Variants in DLGAP4 observed in about 807,000 individuals in gnomAD.
DLGAP4 encodes DLG associated protein 4.
In DLGAP4, 18 loss-of-function variants were observed where a neutral mutation model predicts 86.9. That is an observed-to-expected ratio of 0.21 (90% CI 0.14 to 0.31). The LOEUF (loss-of-function observed/expected upper bound fraction) is 0.31, where lower values mean the gene tolerates loss of function less well. DLGAP4 is among the 10% of genes least tolerant of loss of function. The probability of loss-of-function intolerance (pLI) is 1.00; values close to 1 mark genes in which losing one functional copy is unlikely to be tolerated. For missense variants in DLGAP4, 1,085 were observed against 1,362.6 expected, an observed-to-expected ratio of 0.80 and a Z score of 3.21; for synonymous variants, 548 against 574.3, an observed-to-expected ratio of 0.95 and a Z score of 0.65.
Position 36,436,459 on chromosome 20 carries a change from GGAGCCACGCCCCCTTT to G in DLGAP4, c.1241+121_1241+136del, listed in dbSNP as rs1388917401. On this transcript the variant is annotated intron_variant, in intron 4 of 12. Transcript: ENST00000339266. ...CATTAAAATAAGCCCCGCCTGCGTG[GGAGCCACGCCCCCTTT>G]GAGCCACGCCCACTCATGAGTCCTG... The G allele has an allele frequency of 1.8e-5, 25 of 1,420,582 alleles. No homozygotes were observed. The East Asian group carries it at 2.0e-4, about 12-fold the overall frequency. 88.0% of individuals were successfully genotyped at this position (1,420,582 alleles called of 1,614,324 possible).
rs962136409 is a variant in DLGAP4 at position 36,479,870 on chromosome 20, A to G, written c.1649-16835A>G. Among the ~76,000 whole-genome samples, 31 of 152,134 alleles carry G rather than the reference A, an allele frequency of 2.0e-4. 1 individual carries two copies. The highest frequency in any genetic ancestry group is 7.5e-4 in the African/African-American group (31 of 41,438). On this transcript the variant is annotated intron_variant, in intron 7 of 12. Transcript: ENST00000339266. ...GGATGAGACCCCTCATTTCTGCCCC[A>G]GGCCAGAAATCCTCAGCTTCTGGCA...
intron 1 of DLGAP4, among the ~76,000 whole-genome samples, chr20:36,351,930 G>A (rs1255530234): frequency 6.6e-6 from 1 of 152,124 alleles, no homozygotes; most frequent in Non-Finnish European, 1.5e-5. Flanking sequence ...ATGTGCTGCC[G>A]GCCGGGTGGT....
At chr20:36,476,066 C>T (rs2034901880) in intron 7 of DLGAP4, among the ~76,000 whole-genome samples, 1 of 151,856 alleles carries the variant, frequency 6.6e-6, no homozygotes, top group South Asian at 2.1e-4. Flanking sequence ...ACCATGTTGG[C>T]CAGGCTGGTC....
chr20:36,365,735 G>A (rs1740467387), intron 1 of DLGAP4, among the ~76,000 whole-genome samples: 1 of 152,234 alleles, frequency 6.6e-6, no homozygotes, highest in African/African-American at 2.4e-5. Context: ...CAGATGCTAA[G>A]GAGAGATGGT....
chr20:36,313,260 A>G (rs1488909808), intron 1 of DLGAP4, among the ~76,000 whole-genome samples: 2 of 152,116 alleles, frequency 1.3e-5, no homozygotes, highest in South Asian at 4.1e-4. Flanking sequence ...TGCTAGAGAC[A>G]GGGGGAAAGG....
At chr20:36,314,213 C>T (rs2065077540) in intron 1 of DLGAP4, among the ~76,000 whole-genome samples, 1 of 151,118 alleles carries the variant, frequency 6.6e-6, no homozygotes, top group Non-Finnish European at 1.5e-5. Flanking sequence ...AGGCCCACCT[C>T]TGCCCATCTA....
intron 7 of DLGAP4, among the ~76,000 whole-genome samples, chr20:36,474,876 A>C (rs1019844883): frequency 2.0e-5 from 3 of 152,206 alleles, no homozygotes; most frequent in African/African-American, 7.2e-5. Flanking sequence ...GAGACTAGGG[A>C]ACAAGATTGA....
intron 2 of DLGAP4, among the ~76,000 whole-genome samples, chr20:36,368,661 CTG>C (rs10533804): frequency 0.33 from 49,547 of 151,954 alleles, 8,343 homozygotes; most frequent in Admixed American, 0.41. Flanking sequence ...GGTCTGAGAG[CTG>C]TGTCTGTGGG....
At chr20:36,368,948 G>T (rs191372946) in intron 2 of DLGAP4, among the ~76,000 whole-genome samples, 41 of 152,306 alleles carry the variant, frequency 2.7e-4, no homozygotes, top group African/African-American at 9.9e-4. Context: ...CTGCCATCCA[G>T]TGCCCACCTC....
rs199631830 is a variant in DLGAP4 at position 36,431,712 on chromosome 20, G to A, written c.-6G>A. On this transcript the variant is annotated 5_prime_UTR_variant, in exon 3 of 13. Transcript: ENST00000339266. This position sits in a 1 kb window ranked among gnomAD's most constrained non-coding sequence, Gnocchi z 5.1. ...GGGTGAAGGCCCCTGCCCTCGGCCC[G>A]GGATCATGAAAGGCCTCGGTGACAG... 131 of 1,583,534 alleles carry A rather than the reference G, an allele frequency of 8.3e-5. 1 individual carries two copies. Among genetic ancestry groups the A allele is most frequent in the South Asian group, 5.6e-4 (49 of 87,228 alleles).
At chr20:36,315,729 C>T (rs986463585) in intron 1 of DLGAP4, among the ~76,000 whole-genome samples, 6 of 152,164 alleles carry the variant, frequency 3.9e-5, no homozygotes, top group Non-Finnish European at 5.9e-5. Flanking sequence ...CTGAAAGAAA[C>T]TAGGCAGCCA....
chr20:36,493,660 C>G (rs935705949), intron 7 of DLGAP4, among the ~76,000 whole-genome samples: 1 of 152,118 alleles, frequency 6.6e-6, no homozygotes, highest in African/African-American at 2.4e-5. Context: ...CACCGGCAGC[C>G]CAGCCCAGCC....
chr20:36,451,822 G>C (rs927797286), intron 7 of DLGAP4, among the ~76,000 whole-genome samples: 2 of 148,652 alleles, frequency 1.3e-5, no homozygotes, highest in Non-Finnish European at 3.0e-5. Flanking sequence ...GTGCAATGGC[G>C]TGATCTCAGT....
chr20:36,311,995 G>A (rs2065057447), intron 1 of DLGAP4, among the ~76,000 whole-genome samples: 1 of 152,184 alleles, frequency 6.6e-6, no homozygotes, highest in Admixed American at 6.5e-5. Flanking sequence ...TGGGGGCAGA[G>A]CTGGGTCTGG....
intron 1 of DLGAP4, among the ~76,000 whole-genome samples, chr20:36,341,006 C>T (rs782572586): frequency 2.0e-5 from 3 of 152,196 alleles, no homozygotes; most frequent in Non-Finnish European, 2.9e-5. Flanking sequence ...ACAAACTGGG[C>T]CTGCTCCAGG....
At chr20:36,458,793 C>T (rs75286149) in intron 7 of DLGAP4, among the ~76,000 whole-genome samples, 1 of 152,030 alleles carries the variant, frequency 6.6e-6, no homozygotes, top group Non-Finnish European at 1.5e-5. Flanking sequence ...ATGGGAATAC[C>T]AGGGTGATGA....
At chr20:36,389,263 T>C (rs191171925) in intron 2 of DLGAP4, among the ~76,000 whole-genome samples, 7 of 152,308 alleles carry the variant, frequency 4.6e-5, no homozygotes, top group Admixed American at 3.3e-4. Flanking sequence ...TGCTATTGCA[T>C]AGACGTAGTT....
intron 7 of DLGAP4, among the ~76,000 whole-genome samples, chr20:36,484,200 T>G (rs923329885): frequency 6.6e-6 from 1 of 152,162 alleles, no homozygotes; most frequent in Non-Finnish European, 1.5e-5. Flanking sequence ...GAAGAGTTGG[T>G]GAGCCGATAT....
intron 2 of DLGAP4, among the ~76,000 whole-genome samples, chr20:36,385,133 A>G (rs893742433): frequency 2.6e-5 from 4 of 152,062 alleles, no homozygotes; most frequent in South Asian, 4.1e-4. Context: ...TTCCTCTCCT[A>G]GGAATATGGC....
Sources: allele counts gnomAD v4.1 joint callset (sites outside exome capture counted in the v4.1 genomes callset), GRCh38; gene constraint gnomAD v4.1.1; non-coding constraint Gnocchi (gnomAD v3.1); transcripts MANE v1.5; gene names NCBI Gene and HGNC (gene_info 2026-07-23, HGNC 2026-07-21).